ARHGAP22: variants seen among roughly 807,000 people sequenced by gnomAD.
ARHGAP22 encodes the protein Rho GTPase activating protein 22, also known as rho GTPase-activating protein 22.
Under a neutral mutation model 59.1 loss-of-function variants are expected in ARHGAP22, and 48 were observed. The observed-to-expected ratio is 0.81, with a 90% confidence interval of 0.64 to 1.03. The LOEUF (loss-of-function observed/expected upper bound fraction) is 1.03, where lower values mean the gene tolerates loss of function less well. Among genes scored for constraint, ARHGAP22 ranks in the 50% least tolerant of loss-of-function variants. ARHGAP22 has a pLI of 0.00. For synonymous variants in ARHGAP22, 445 were observed against 416.4 expected (o/e 1.07, Z -0.84); for missense variants, 1,015 against 958.7 (o/e 1.06, Z -0.78).
chr10:48,599,433 C>G (rs1251604984), intron 1 of ARHGAP22, among the ~76,000 whole-genome samples: 8 of 152,250 alleles, frequency 5.3e-5, no homozygotes, highest in African/African-American at 1.9e-4. Context: ...GATTATTAAG[C>G]ACTTGGTAAG....
At chr10:48,592,032 C>A (rs532937320) in intron 1 of ARHGAP22, among the ~76,000 whole-genome samples, 1 of 151,978 alleles carries the variant, frequency 6.6e-6, no homozygotes, top group Non-Finnish European at 1.5e-5. Context: ...AACCTGAGTG[C>A]CCGTTAGTAA....
chr10:48,600,401 T>C (rs1261193265), intron 1 of ARHGAP22, among the ~76,000 whole-genome samples: 1 of 152,228 alleles, frequency 6.6e-6, no homozygotes, highest in Admixed American at 6.5e-5. Context: ...GAAAACTTTC[T>C]GGGCTTAAGG....
At chr10:48,583,958 C>T (rs955098826) in intron 1 of ARHGAP22, among the ~76,000 whole-genome samples, 1 of 152,204 alleles carries the variant, frequency 6.6e-6, no homozygotes, top group Non-Finnish European at 1.5e-5. Flanking sequence ...CTGCCCTTCA[C>T]AGGGATGACT....
At chr10:48,565,947 T>C (rs1196801072) in intron 2 of ARHGAP22, among the ~76,000 whole-genome samples, 1 of 152,200 alleles carries the variant, frequency 6.6e-6, no homozygotes, top group Admixed American at 6.5e-5. Flanking sequence ...CCCTGCTTCC[T>C]AGTGTGTGAT....
chr10:48,590,621 C>G (rs1444269328), intron 1 of ARHGAP22, among the ~76,000 whole-genome samples: 1 of 152,178 alleles, frequency 6.6e-6, no homozygotes, highest in Non-Finnish European at 1.5e-5. Context: ...GCCAGGGTGC[C>G]CATAAACCCT....
At chr10:48,462,826 C>G (rs146822568) in intron 4 of ARHGAP22, among the ~76,000 whole-genome samples, 7 of 152,344 alleles carry the variant, frequency 4.6e-5, no homozygotes, top group African/African-American at 1.4e-4. Context: ...CTGCCAGGGA[C>G]AGCTGTGAGA....
At chr10:48,437,153 A>C in the ARHGAP22 span, 3 of 152,228 alleles carry the variant, frequency 2.0e-5, no homozygotes, top group Admixed American at 2.0e-4. Flanking sequence ...GTTCAGTTCA[A>C]TTCAAAGAAA....
At chr10:48,481,755 C>T (rs1427059575) in intron 3 of ARHGAP22, among the ~76,000 whole-genome samples, 1 of 152,194 alleles carries the variant, frequency 6.6e-6, no homozygotes, top group African/African-American at 2.4e-5. Context: ...TATGACAGTT[C>T]TGGGACCCCC....
chr10:48,503,733 G>A (rs2134408006), intron 3 of ARHGAP22, among the ~76,000 whole-genome samples: 1 of 152,380 alleles, frequency 6.6e-6, no homozygotes, highest in South Asian at 2.1e-4. Flanking sequence ...CTCAGCCCAA[G>A]TCCTGCTGGC....
At chr10:48,513,197 C>G (rs1285623165) in intron 3 of ARHGAP22, among the ~76,000 whole-genome samples, 1 of 152,138 alleles carries the variant, frequency 6.6e-6, no homozygotes, top group Non-Finnish European at 1.5e-5. Context: ...TTACAGCTGC[C>G]TAAAGCTGTG....
chr10:48,654,773 ACTTTCTTTCTTT>A (rs201340687), upstream of ARHGAP22, among the ~76,000 whole-genome samples: 2,665 of 112,226 alleles, frequency 0.024, 37 homozygotes, highest in African/African-American at 0.029. Context: ...CATGCTGATT[ACTTTCTTTCTTT>A]CTTTCTTTCT....
intron 3 of ARHGAP22, among the ~76,000 whole-genome samples, chr10:48,514,559 C>T (rs568064876): frequency 3.9e-5 from 6 of 152,258 alleles, no homozygotes; most frequent in South Asian, 2.1e-4. Context: ...TTCAGTCCTT[C>T]GTCCTAGCTG....
intron 3 of ARHGAP22, among the ~76,000 whole-genome samples, chr10:48,491,363 A>G (rs1304412951): frequency 2.0e-5 from 3 of 152,154 alleles, no homozygotes; most frequent in Non-Finnish European, 4.4e-5. Context: ...GTCTTTCTTC[A>G]GATATTACCT....
chr10:48,477,161 C>T (rs2048833723), intron 4 of ARHGAP22, among the ~76,000 whole-genome samples: 2 of 152,226 alleles, frequency 1.3e-5, no homozygotes, highest in Admixed American at 6.5e-5. Flanking sequence ...ACTATCCTGA[C>T]TTTCATAGCA....
At chr10:48,517,360 TG>T (rs1228682243) in intron 3 of ARHGAP22, among the ~76,000 whole-genome samples, 2 of 152,146 alleles carry the variant, frequency 1.3e-5, no homozygotes, top group African/African-American at 2.4e-5. Context: ...CATAGCTGGC[TG>T]GGGGTGGGCG....
At chr10:48,584,200 T>A (rs569273126) in intron 1 of ARHGAP22, among the ~76,000 whole-genome samples, 14 of 152,368 alleles carry the variant, frequency 9.2e-5, no homozygotes, top group African/African-American at 3.4e-4. Flanking sequence ...GCACAGTGCC[T>A]GTGACCTACA....
In ARHGAP22 at chr10:48,450,512, G is replaced by A. The variant is rs1297269213; in HGVS notation, c.1617C>T (p.Ala539=). Residue 539 remains alanine, a synonymous_variant, in exon 9 of 10, where the codon GCC becomes GCT. Transcript: ENST00000249601. The part of the protein sequence containing the change: ...CTACRASDSS[A]RSSLHTDWAL... ...CCCAGTCGGTGTGCAGGGAACTGCG[G>A]GCAGACGAGTCGCTGGCGCGGCAGG... 1.0e-5 allele frequency: 16 copies of A among 1,527,754 alleles called. No homozygotes were observed. Among genetic ancestry groups the A allele is most frequent in the South Asian group, 1.3e-5 (1 of 79,704 alleles). 94.6% of individuals were successfully genotyped at this position (1,527,754 alleles called of 1,614,324 possible). A position where few individuals can be genotyped will look rare whatever the true frequency, so the allele number is the denominator to read the frequency against.
At chr10:48,654,903 C>T (rs569971553), upstream of ARHGAP22, among the ~76,000 whole-genome samples, 13 of 142,678 alleles carry the variant, frequency 9.1e-5, no homozygotes, top group African/African-American at 2.9e-4. Context: ...TCTCTCCTCC[C>T]TTCCTCCCTT....
chr10:48,656,265 TGGGG>T (rs760924651), upstream of ARHGAP22: 1 of 101,644 alleles, frequency 9.8e-6, no homozygotes. Context: ...TCGGCGCCTC[TGGGG>T]GGGGGGGGGC....
Sources: gnomAD v4.1 joint callset for allele counts (sites outside exome capture counted in the v4.1 genomes callset) on GRCh38, gnomAD v4.1.1 for gene constraint, MANE v1.5 for transcripts, NCBI Gene and HGNC (gene_info 2026-07-23, HGNC 2026-07-21) for gene names.